POU2AF2: variants seen among roughly 807,000 people sequenced by gnomAD.
POU2AF2 encodes POU domain class 2-associating factor 2.
the POU2AF2 span, chr11:111,284,353 C>G: frequency 6.2e-7 from 1 of 1,608,134 alleles, no homozygotes; most frequent in Non-Finnish European, 8.5e-7. Context: ...CGCCCTTCCC[C>G]GGAGACCCAG....
At chr11:111,281,403 C>T in the POU2AF2 span, 10 of 1,611,966 alleles carry the variant, frequency 6.2e-6, no homozygotes, top group African/African-American at 1.3e-5. Flanking sequence ...TCCAGGGCAG[C>T]GTCAGTTCCT....
the POU2AF2 span, among the ~76,000 whole-genome samples, chr11:111,284,817 C>T: frequency 2.0e-5 from 3 of 152,124 alleles, no homozygotes; most frequent in African/African-American, 4.8e-5. Flanking sequence ...TTCCAAGTCC[C>T]CTGCCTCCCC....
the POU2AF2 span, among the ~76,000 whole-genome samples, chr11:111,257,753 T>C: frequency 6.6e-6 from 1 of 152,212 alleles, no homozygotes; most frequent in Non-Finnish European, 1.5e-5. Context: ...TCTGAATAAT[T>C]GGCTCCTTGT....
chr11:111,273,973 T>C, the POU2AF2 span, among the ~76,000 whole-genome samples: 1 of 152,200 alleles, frequency 6.6e-6, no homozygotes, highest in African/African-American at 2.4e-5. Flanking sequence ...TGGTCAAAAG[T>C]TATGGGCTCT....
chr11:111,247,237 A>G, the POU2AF2 span, among the ~76,000 whole-genome samples: 1 of 144,582 alleles, frequency 6.9e-6, no homozygotes, highest in Non-Finnish European at 1.5e-5. Flanking sequence ...TTCTTTATTC[A>G]TCCATCAACA....
At chr11:111,261,260 T>TACACAC in the POU2AF2 span, among the ~76,000 whole-genome samples, 7 of 141,024 alleles carry the variant, frequency 5.0e-5, no homozygotes, top group African/African-American at 1.0e-4. Flanking sequence ...TAGTACCAAA[T>TACACAC]ACACACACAC....
At chr11:111,280,352 A>G in the POU2AF2 span, among the ~76,000 whole-genome samples, 770 of 152,226 alleles carry the variant, frequency 5.1e-3, 6 homozygotes, top group African/African-American at 0.018. Context: ...GCACATACAC[A>G]CATACAGTAG....
At chr11:111,280,515 C>T in the POU2AF2 span, among the ~76,000 whole-genome samples, 5 of 152,134 alleles carry the variant, frequency 3.3e-5, no homozygotes, top group Admixed American at 6.5e-5. Flanking sequence ...TTCATTCAGT[C>T]CCACTCTGTG....
At chr11:111,281,543 G>A in the POU2AF2 span, 7 of 1,115,444 alleles carry the variant, frequency 6.3e-6, no homozygotes, top group South Asian at 9.2e-5. Flanking sequence ...CCAAAACTCT[G>A]CTCCTTTAAA....
chr11:111,247,878 C>CTTT, the POU2AF2 span, among the ~76,000 whole-genome samples: 18 of 114,986 alleles, frequency 1.6e-4, 1 homozygote, highest in South Asian at 2.9e-4. Context: ...TATAAGTGGC[C>CTTT]TTTTTTTTTT....
At chr11:111,284,329 G>C in the POU2AF2 span, 1 of 1,611,314 alleles carries the variant, frequency 6.2e-7, no homozygotes, top group Non-Finnish European at 8.5e-7. Flanking sequence ...CGCCCCTACC[G>C]CCGCTCCTGC....
the POU2AF2 span, among the ~76,000 whole-genome samples, chr11:111,246,892 G>A: frequency 1.3e-5 from 2 of 152,114 alleles, no homozygotes; most frequent in Non-Finnish European, 2.9e-5. Context: ...TAGTCCTTAT[G>A]TTGTACATTA....
the POU2AF2 span, among the ~76,000 whole-genome samples, chr11:111,265,212 C>T: frequency 6.6e-6 from 1 of 152,118 alleles, no homozygotes; most frequent in South Asian, 2.1e-4. Flanking sequence ...CCTGCACAAT[C>T]CTTCAAAATT....
the POU2AF2 span, among the ~76,000 whole-genome samples, chr11:111,276,453 A>AAAAAAAAAAAAAAAATATATAT: frequency 2.7e-5 from 1 of 37,692 alleles, no homozygotes. Flanking sequence ...AAAAAAAAAA[A>AAAAAAAAAAAAAAAATATATAT]ATATATATAT....
the POU2AF2 span, among the ~76,000 whole-genome samples, chr11:111,276,449 A>ATATAT: frequency 7.2e-4 from 36 of 49,720 alleles, no homozygotes; most frequent in African/African-American, 2.4e-3. Flanking sequence ...GAAAAAAAAA[A>ATATAT]AAAAATATAT....
At chr11:111,280,583 G>A in the POU2AF2 span, among the ~76,000 whole-genome samples, 1 of 152,056 alleles carries the variant, frequency 6.6e-6, no homozygotes, top group African/African-American at 2.4e-5. Flanking sequence ...TACACCACCT[G>A]CCCGTTAGTG....
the POU2AF2 span, among the ~76,000 whole-genome samples, chr11:111,257,667 C>T: frequency 2.6e-5 from 4 of 152,156 alleles, no homozygotes; most frequent in African/African-American, 9.7e-5. Context: ...ACCCACCGCG[C>T]CCAGCCGTTA....
chr11:111,282,694 A>G, the POU2AF2 span, among the ~76,000 whole-genome samples: 1 of 152,230 alleles, frequency 6.6e-6, no homozygotes. Flanking sequence ...TTCTGTGTCT[A>G]TAGAATCAGA....
the POU2AF2 span, among the ~76,000 whole-genome samples, chr11:111,264,732 A>G: frequency 9.8e-4 from 146 of 149,216 alleles, no homozygotes; most frequent in African/African-American, 3.4e-3. Context: ...AGAAAGAAAG[A>G]GAAAGAAAGG....
Sources: gnomAD v4.1 joint callset for allele counts (sites outside exome capture counted in the v4.1 genomes callset) on GRCh38, gnomAD v4.1.1 for gene constraint, MANE v1.5 for transcripts, NCBI Gene and HGNC (gene_info 2026-07-23, HGNC 2026-07-21) for gene names.